PCBP3: variants seen among roughly 807,000 people sequenced by gnomAD.
PCBP3 encodes poly(rC) binding protein 3, also known as poly(rC)-binding protein 3.
A neutral mutation model predicts 52.7 loss-of-function variants in PCBP3; 25 were observed. That is an observed-to-expected ratio of 0.47 (90% CI 0.35 to 0.66). The LOEUF is 0.66. Among genes scored for constraint, PCBP3 ranks in the 30% least tolerant of loss-of-function variants. The pLI is 0.01. For missense variants in PCBP3, 391 were observed against 490.3 expected (o/e 0.80, Z 1.91); for synonymous variants, 162 against 183.0 (o/e 0.89, Z 0.93).
intron 17 of PCBP3, among the ~76,000 whole-genome samples, chr21:45,941,180 G>A (rs1159730818): frequency 6.6e-6 from 1 of 152,218 alleles, no homozygotes; most frequent in Non-Finnish European, 1.5e-5. Context: ...CAGGAGGCTG[G>A]GCAAAGTGCA....
At chr21:45,692,310 T>G (rs2082532095) in intron 2 of PCBP3, among the ~76,000 whole-genome samples, 1 of 151,614 alleles carries the variant, frequency 6.6e-6, no homozygotes, top group Non-Finnish European at 1.5e-5. Context: ...ATCAACAAAA[T>G]TTAAAACAGA....
At chr21:45,841,731 A>C (rs1490348209) in intron 4 of PCBP3, among the ~76,000 whole-genome samples, 1 of 152,206 alleles carries the variant, frequency 6.6e-6, no homozygotes, top group Non-Finnish European at 1.5e-5. Flanking sequence ...TTCCTGGACT[A>C]TTAGGAGAAA....
At chr21:45,684,261 G>C (rs964025305) in intron 2 of PCBP3, among the ~76,000 whole-genome samples, 2 of 151,970 alleles carry the variant, frequency 1.3e-5, no homozygotes, top group African/African-American at 4.8e-5. Context: ...AAGTAATAAG[G>C]TCCTGTGGAA....
chr21:45,751,999 A>G lies in PCBP3; in HGVS notation c.-161-3418A>G, dbSNP rs575059769. 2.1e-4 allele frequency among the ~76,000 whole-genome samples: 32 copies of G among 152,026 alleles called. No individual in the cohort carries two copies. The South Asian group carries it at 6.6e-3, about 32-fold the overall frequency. On this transcript the variant is annotated intron_variant, in intron 3 of 17. Coordinates refer to ENST00000681687, the MANE Select transcript of PCBP3 (RefSeq NM_001384156.1). ...TTTTGTCCCCTCAATTTAAACATTT[A>G]TTTATTTATTGGTATCTTAGAGATA...
At chr21:45,898,550 CCAGCCTCCCTCTACACGCCATCCTCA>C (rs563910786) in intron 6 of PCBP3, among the ~76,000 whole-genome samples, 10,203 of 96,830 alleles carry the variant, frequency 0.11, 326 homozygotes, top group East Asian at 0.28. Context: ...CACTGTCCTC[CCAGCCTCCCTCTACACGCCATCCTCA>C]CAGCCTCCCT....
rs1326421261 is a variant in PCBP3, at chr21:45,800,434, A to C, written c.-126+44982A>C. On this transcript the variant is annotated intron_variant, in intron 4 of 17. Coordinates refer to ENST00000681687, the MANE Select transcript of PCBP3 (RefSeq NM_001384156.1). This position sits in a 1 kb window ranked among gnomAD's most constrained non-coding sequence, Gnocchi z 5.3. ...CTGAGGGTAAATGGAGAGGCTCTTTACCAGCACTGAACTCTGAGCCCAACT... is the reference window on the plus strand; with the variant it reads ...CTGAGGGTAAATGGAGAGGCTCTTTCCCAGCACTGAACTCTGAGCCCAACT... Among the ~76,000 whole-genome samples the C allele has an allele frequency of 6.6e-6, 1 of 152,164 alleles. No homozygotes were observed. The highest frequency in any genetic ancestry group is 1.9e-4 in the East Asian group (1 of 5,180).
chr21:45,750,783 G>A (rs1202039794), intron 3 of PCBP3: 6 of 152,080 alleles, frequency 3.9e-5, no homozygotes, highest in Non-Finnish European at 7.3e-5. Context: ...TATTGCTGTC[G>A]AGTGTCTTTG....
At chr21:45,691,953 T>G (rs1473182543) in intron 2 of PCBP3, among the ~76,000 whole-genome samples, 1 of 152,108 alleles carries the variant, frequency 6.6e-6, no homozygotes, top group Non-Finnish European at 1.5e-5. Flanking sequence ...ATGGCAACTC[T>G]CCCACGTTCT....
intron 4 of PCBP3, among the ~76,000 whole-genome samples, chr21:45,785,576 G>A (rs1222606360): frequency 7.5e-5 from 11 of 146,004 alleles, no homozygotes; most frequent in South Asian, 2.2e-4. Flanking sequence ...CTGCCCGGCC[G>A]CCCCTACTGG....
chr21:45,936,626 G>T (rs2076925682), intron 16 of PCBP3, among the ~76,000 whole-genome samples: 1 of 152,194 alleles, frequency 6.6e-6, no homozygotes, highest in African/African-American at 2.4e-5. Context: ...TTGGCTTCTG[G>T]CATCCTCCTG....
chr21:45,791,656 C>A lies in PCBP3; in HGVS notation c.-126+36204C>A, dbSNP rs1041074226. ...GTGGCAGTCATAAGTTAATTTCTGTCGAAGTAGAATACAACTAAGAAAAAA... is the reference window on the plus strand; with the variant it reads ...GTGGCAGTCATAAGTTAATTTCTGTAGAAGTAGAATACAACTAAGAAAAAA... On this transcript the variant is annotated intron_variant, in intron 4 of 17. Transcript: ENST00000681687. This position sits in a 1 kb window ranked among gnomAD's most constrained non-coding sequence, Gnocchi z 4.2. Among the ~76,000 whole-genome samples the A allele has an allele frequency of 6.6e-5, 10 of 152,146 alleles. No individual in the cohort carries two copies. The highest frequency in any genetic ancestry group is 2.4e-4 in the African/African-American group (10 of 41,424).
chr21:45,927,258 C>G (rs1380971003), intron 13 of PCBP3, among the ~76,000 whole-genome samples: 1 of 142,254 alleles, frequency 7.0e-6, no homozygotes, highest in Admixed American at 7.0e-5. Context: ...ACATCCCCTG[C>G]CCATCCTCCT....
intron 1 of PCBP3, among the ~76,000 whole-genome samples, chr21:45,666,048 A>G (rs1217974942): frequency 6.6e-6 from 1 of 152,230 alleles, no homozygotes. Flanking sequence ...AGATGCAGAA[A>G]AAGCATTTAA....
At chr21:45,793,284 C>T (rs571502091) in intron 4 of PCBP3, among the ~76,000 whole-genome samples, 4 of 152,218 alleles carry the variant, frequency 2.6e-5, no homozygotes, top group South Asian at 4.1e-4. Flanking sequence ...TGCATAGCCA[C>T]GGACTATTGA....
At chr21:45,738,964 T>G (rs2086124311) in intron 3 of PCBP3, among the ~76,000 whole-genome samples, 1 of 105,728 alleles carries the variant, frequency 9.5e-6, no homozygotes, top group Non-Finnish European at 1.9e-5. Context: ...CACGGTCCTC[T>G]GGGTAGCCCC....
chr21:45,683,711 G>C (rs2081985652), intron 2 of PCBP3, among the ~76,000 whole-genome samples: 1 of 152,074 alleles, frequency 6.6e-6, no homozygotes, highest in Non-Finnish European at 1.5e-5. Context: ...CAGATCACGA[G>C]GTCAGGAGAT....
intron 11 of PCBP3, among the ~76,000 whole-genome samples, chr21:45,913,285 A>G (rs1210318593): frequency 6.6e-6 from 1 of 152,242 alleles, no homozygotes; most frequent in East Asian, 1.9e-4. Flanking sequence ...TGGAGTCTAT[A>G]AGCACTTTAA....
intron 1 of PCBP3, among the ~76,000 whole-genome samples, chr21:45,648,997 T>C (rs2079507551): frequency 6.6e-6 from 1 of 152,250 alleles, no homozygotes; most frequent in South Asian, 2.1e-4. Context: ...TTGAGTCTGA[T>C]TTAAGAAATC....
At chr21:45,689,416 CAAAA>C (rs1406584940) in intron 2 of PCBP3, among the ~76,000 whole-genome samples, 2 of 151,620 alleles carry the variant, frequency 1.3e-5, no homozygotes, top group Non-Finnish European at 3.0e-5. Flanking sequence ...TTTTAGGAAA[CAAAA>C]AAAGGGAACT....
Sources: gnomAD v4.1 joint callset for allele counts (sites outside exome capture counted in the v4.1 genomes callset) on GRCh38, gnomAD v4.1.1 for gene constraint, Gnocchi (gnomAD v3.1) non-coding constraint, MANE v1.5 for transcripts, NCBI Gene and HGNC (gene_info 2026-07-23, HGNC 2026-07-21) for gene names.